The following GRIN3A variants were observed in gnomAD, a reference collection of about 807,000 sequenced individuals.
GRIN3A encodes glutamate ionotropic receptor NMDA type subunit 3A.
Under a neutral mutation model 92.4 loss-of-function variants are expected in GRIN3A, and 47 were observed. The observed-to-expected ratio is 0.51, with a 90% CI of 0.40 to 0.65. The LOEUF (loss-of-function observed/expected upper bound fraction) is 0.65. Ranked by LOEUF, GRIN3A falls within the 30% of genes least tolerant of loss-of-function variation. The pLI, the probability that GRIN3A is intolerant of heterozygous loss-of-function variation, is 0.00. For synonymous variants in GRIN3A, 527 were observed against 540.6 expected, an observed-to-expected ratio of 0.97 and a Z score of 0.35; for missense variants, 1,324 against 1,393.1, an observed-to-expected ratio of 0.95 and a Z score of 0.79.
chr9:101,729,311 G>A (rs1830113366), intron 1 of GRIN3A, among the ~76,000 whole-genome samples: 1 of 152,152 alleles, frequency 6.6e-6, no homozygotes, highest in African/African-American at 2.4e-5. Flanking sequence ...CTTATTACTT[G>A]TGACTAGAGG....
At chr9:101,580,031 AAC>A (rs1317099836) in intron 6 of GRIN3A, among the ~76,000 whole-genome samples, 1 of 152,140 alleles carries the variant, frequency 6.6e-6, no homozygotes, top group African/African-American at 2.4e-5. Flanking sequence ...GGGTCATGCT[AAC>A]ACCACCATTT....
chr9:101,600,857 T>C (rs574347385), intron 6 of GRIN3A: 1 of 152,226 alleles, frequency 6.6e-6, no homozygotes, highest in Non-Finnish European at 1.5e-5. Context: ...AATTATTCTT[T>C]ATAGGGCATC....
intron 3 of GRIN3A, among the ~76,000 whole-genome samples, chr9:101,664,429 GT>G (rs1426431613): frequency 6.6e-6 from 1 of 151,938 alleles, no homozygotes. Context: ...TCCCAGATGA[GT>G]TGGTAGGAGG....
intron 3 of GRIN3A, among the ~76,000 whole-genome samples, chr9:101,650,677 T>C (rs1829002995): frequency 6.6e-6 from 1 of 150,596 alleles, no homozygotes; most frequent in African/African-American, 2.5e-5. Flanking sequence ...AATAGGTGAC[T>C]GATACAGTGG....
At position 101,573,220 on chromosome 9, in the gene GRIN3A, G is replaced by C. The variant is rs762678837; in HGVS notation, c.3302C>G (p.Thr1101Arg). 1 of 1,614,074 alleles carries C rather than the reference G, an allele frequency of 6.2e-7. No homozygotes were observed. The highest frequency in any genetic ancestry group is 8.5e-7 in the Non-Finnish European group (1 of 1,179,980). ...QELQLAVSRK[T>R]ELEEYQRTSR... ...TGTCCTTTGATACTCCTCCAGCTCC[G>C]TTTTCCTGCTCACAGCCAGCTGCAG... The change falls in exon 9 of 9, where the codon ACG (threonine) becomes AGG (arginine). Residue 1101 changes from threonine to arginine, a missense_variant. Transcript: ENST00000361820.
In GRIN3A at chr9:101,590,371, TA is replaced by T. The variant is rs1403029905; in HGVS notation, c.2767-11012del. 5.2e-3 allele frequency among the ~76,000 whole-genome samples: 778 copies of T among 150,222 alleles called. 8 individuals carry two copies. The highest frequency in any genetic ancestry group is 0.018 in the African/African-American group (742 of 40,708). ...CTATTTATTTATTTATTTATTTATT[TA>T]TTTATTTATTTATTTATTTATTTTT... On this transcript the variant is annotated intron_variant, in intron 6 of 8. Coordinates refer to ENST00000361820, the MANE Select transcript of GRIN3A (RefSeq NM_133445.3).
chr9:101,574,037 G>A (rs1369292455), intron 8 of GRIN3A, among the ~76,000 whole-genome samples: 1 of 151,942 alleles, frequency 6.6e-6, no homozygotes, highest in African/African-American at 2.4e-5. Flanking sequence ...AAGCATATAA[G>A]CCACAGGTCT....
intron 3 of GRIN3A, among the ~76,000 whole-genome samples, chr9:101,643,679 T>A (rs62577434): frequency 0.35 from 53,314 of 150,652 alleles, 9,915 homozygotes; most frequent in African/African-American, 0.48. Context: ...TCTCTCTCTC[T>A]CTCTCACACA....
intron 6 of GRIN3A, 50 bp from the exon 7 acceptor site, chr9:101,579,410 C>G (rs951146249): frequency 1.3e-6 from 2 of 1,583,414 alleles, no homozygotes; most frequent in Non-Finnish European, 1.7e-6. Context: ...ATATACCTGG[C>G]CCAATGCTTG....
In GRIN3A at chr9:101,670,135, T is replaced by C. The variant is rs373863665; in HGVS notation, c.2277A>G (p.Thr759=). 6.2e-7 allele frequency: 1 copy of C among 1,613,790 alleles called. No individual in the cohort carries two copies. The highest frequency in any genetic ancestry group is 1.3e-5 in the African/African-American group (1 of 75,010). ...TGACAGCAGCCAAGTTTGCCGTGTA[T>C]GTGGAAAGGCAAAACATACAGAAAA... ...WAIFCMFCLS[T]YTANLAAVMV... The change falls in exon 3 of 9, where the codon ACA becomes ACG. Residue 759 remains threonine (T), a synonymous_variant. Coordinates refer to ENST00000361820, the MANE Select transcript of GRIN3A (RefSeq NM_133445.3).
intron 6 of GRIN3A, among the ~76,000 whole-genome samples, chr9:101,581,989 G>A (rs1302920786): frequency 6.6e-6 from 1 of 152,204 alleles, no homozygotes; most frequent in Non-Finnish European, 1.5e-5. Flanking sequence ...GAGCAACAAA[G>A]AAGTTCAATA....
chr9:101,697,795 G>T (rs187076183), intron 1 of GRIN3A, among the ~76,000 whole-genome samples: 1 of 152,222 alleles, frequency 6.6e-6, no homozygotes, highest in Admixed American at 6.5e-5. Flanking sequence ...GTGAATTAGA[G>T]GCATTTCTCT....
intron 2 of GRIN3A, 87 bp downstream of exon 2, chr9:101,686,509 A>G: frequency 6.9e-7 from 1 of 1,452,764 alleles, no homozygotes; most frequent in South Asian, 1.1e-5. Context: ...CTCAGAGTCA[A>G]GATTTCTGCA....
intron 1 of GRIN3A, among the ~76,000 whole-genome samples, chr9:101,722,345 G>A (rs1406223318): frequency 2.0e-5 from 3 of 152,234 alleles, no homozygotes; most frequent in East Asian, 1.9e-4. Flanking sequence ...CAGGGTCAGG[G>A]CCCTCATGGA....
chr9:101,590,068 A>G (rs1411469947), intron 6 of GRIN3A, among the ~76,000 whole-genome samples: 1 of 152,186 alleles, frequency 6.6e-6, no homozygotes, highest in African/African-American at 2.4e-5. Flanking sequence ...TGTGAGAACA[A>G]ACACCATGTA....
chr9:101,732,625 G>A (rs1373749213), intron 1 of GRIN3A, among the ~76,000 whole-genome samples: 2 of 152,096 alleles, frequency 1.3e-5, no homozygotes, highest in African/African-American at 4.8e-5. Context: ...AAAGAGGAAG[G>A]TGTAAGGGGA....
chr9:101,640,935 C>A (rs1026783525), intron 3 of GRIN3A, among the ~76,000 whole-genome samples: 4 of 152,032 alleles, frequency 2.6e-5, no homozygotes, highest in African/African-American at 9.7e-5. Flanking sequence ...AGTATGAAAA[C>A]AGGCTAATAC....
chr9:101,591,123 T>C (rs1828017935), intron 6 of GRIN3A, among the ~76,000 whole-genome samples: 1 of 152,182 alleles, frequency 6.6e-6, no homozygotes, highest in Non-Finnish European at 1.5e-5. Context: ...TCAGAGCATA[T>C]TGGTTTGCGT....
At chr9:101,687,750 A>T (rs1056594483) in intron 1 of GRIN3A, among the ~76,000 whole-genome samples, 2 of 152,230 alleles carry the variant, frequency 1.3e-5, no homozygotes, top group Admixed American at 1.3e-4. Flanking sequence ...AATAATTTTC[A>T]ATACATACAT....
Sources: allele counts gnomAD v4.1 joint callset (sites outside exome capture counted in the v4.1 genomes callset), GRCh38; gene constraint gnomAD v4.1.1; transcripts MANE v1.5; gene names NCBI Gene and HGNC (gene_info 2026-07-23, HGNC 2026-07-21).